CFAP299: variants seen among roughly 807,000 people sequenced by gnomAD.
CFAP299 encodes the protein cilia- and flagella-associated protein 299.
A neutral mutation model predicts 27.0 loss-of-function variants in CFAP299; 21 were observed. The ratio of observed to expected loss-of-function variants is 0.78; its 90% CI spans 0.55 to 1.12. The LOEUF is 1.12. Ranked by LOEUF, CFAP299 falls within the 50% of genes most tolerant of loss-of-function variation. CFAP299 has a pLI of 0.00. For synonymous variants in CFAP299, 104 were observed against 98.1 expected (o/e 1.06, Z -0.36); for missense variants, 310 against 276.6 (o/e 1.12, Z -0.86).
chr4:80,619,798 A>G (rs1560659977), intron 3 of CFAP299, among the ~76,000 whole-genome samples: 2 of 152,124 alleles, frequency 1.3e-5, no homozygotes, highest in South Asian at 4.1e-4. Flanking sequence ...CATATAATAT[A>G]TTGTGTCTAA....
intron 3 of CFAP299, among the ~76,000 whole-genome samples, chr4:80,647,118 G>A (rs1486653981): frequency 2.6e-5 from 4 of 152,030 alleles, no homozygotes; most frequent in Non-Finnish European, 5.9e-5. Flanking sequence ...ACTGGTAGCA[G>A]TATGTTAACA....
At chr4:80,860,359 T>C (rs1334261422) in intron 3 of CFAP299, among the ~76,000 whole-genome samples, 1 of 152,222 alleles carries the variant, frequency 6.6e-6, no homozygotes, top group Non-Finnish European at 1.5e-5. Context: ...GGTTTGAATT[T>C]CCTCCTGTAG....
chr4:80,721,074 GA>G, intron 3 of CFAP299, among the ~76,000 whole-genome samples: 1 of 152,010 alleles, frequency 6.6e-6, no homozygotes, highest in East Asian at 1.9e-4. Context: ...ACACAGAAGA[GA>G]ATAAAGAAAA....
chr4:80,366,309 T>G (rs986594166), intron 2 of CFAP299, among the ~76,000 whole-genome samples: 2 of 152,194 alleles, frequency 1.3e-5, no homozygotes, highest in Non-Finnish European at 2.9e-5. Context: ...GGTCTAGCAA[T>G]CATAGAGCAC....
intron 2 of CFAP299, among the ~76,000 whole-genome samples, chr4:80,427,987 C>T (rs9683748): frequency 0.92 from 139,272 of 152,166 alleles, 64,661 homozygotes; most frequent in East Asian, 1. Context: ...AACCATTGGG[C>T]GATTGTAAGG....
chr4:80,741,836 G>A (rs1038450491), intron 3 of CFAP299, among the ~76,000 whole-genome samples: 5 of 152,128 alleles, frequency 3.3e-5, no homozygotes, highest in Admixed American at 2.0e-4. Flanking sequence ...AGCCTGTGGC[G>A]GTGAGGCTTG....
upstream of CFAP299, among the ~76,000 whole-genome samples, chr4:80,331,580 C>T (rs56373586): frequency 0.029 from 4,445 of 152,212 alleles, 224 homozygotes; most frequent in African/African-American, 0.1. Flanking sequence ...AATAACAGGC[C>T]TTACATTTCA....
intron 3 of CFAP299, among the ~76,000 whole-genome samples, chr4:80,720,399 G>T (rs1328999834): frequency 6.6e-6 from 1 of 152,042 alleles, no homozygotes; most frequent in Non-Finnish European, 1.5e-5. Context: ...ATTAATCCTA[G>T]ATTAAATGTT....
chr4:80,470,008 G>A lies in CFAP299; in HGVS notation c.242+107124G>A, dbSNP rs1436966286. The stretch of plus-strand genomic sequence containing the variant: ...AACTCTGCTTAAGAATACTAGAAAA[G>A]TCTCCATTTGCGCTGAAGGAATGTC... On this transcript the variant is annotated intron_variant, in intron 2 of 5. Coordinates refer to ENST00000358105, the MANE Select transcript of CFAP299 (RefSeq NM_152770.3). Among the ~76,000 whole-genome samples, 5 of 152,064 alleles carry A rather than the reference G, an allele frequency of 3.3e-5. No homozygotes were observed. In the South Asian group the frequency reaches 6.3e-4, roughly 19 times the overall value.
At chr4:80,381,382 T>C (rs1328388071) in intron 2 of CFAP299, among the ~76,000 whole-genome samples, 1 of 574 alleles carries the variant, frequency 1.7e-3, no homozygotes, top group African/African-American at 1.9e-3. Context: ...ACATATACAT[T>C]TTTTTTTTTT....
intron 3 of CFAP299, among the ~76,000 whole-genome samples, chr4:80,603,805 A>G (rs1161651184): frequency 6.6e-6 from 1 of 152,218 alleles, no homozygotes; most frequent in East Asian, 1.9e-4. Flanking sequence ...CATATTGTCA[A>G]CAAGTAATTC....
intron 3 of CFAP299, among the ~76,000 whole-genome samples, chr4:80,587,495 A>C (rs1425385581): frequency 2.6e-5 from 4 of 152,160 alleles, no homozygotes; most frequent in Non-Finnish European, 5.9e-5. Context: ...TCCCCACCCA[A>C]AGTATGGGGA....
chr4:80,512,601 A>T (rs1732368637), intron 2 of CFAP299, among the ~76,000 whole-genome samples: 1 of 152,112 alleles, frequency 6.6e-6, no homozygotes, highest in Non-Finnish European at 1.5e-5. Context: ...AAGGAGTTAC[A>T]TATGAACCTC....
intron 2 of CFAP299, chr4:80,388,655 GGGACAGCTAGAAT>G: frequency 8.2e-7 from 1 of 1,221,422 alleles, no homozygotes; most frequent in Non-Finnish European, 1.2e-6. Flanking sequence ...CAGTAATGAT[GGGACAGCTAGAAT>G]GGTCTGGTTG....
At chr4:80,694,948 G>A (rs1720992786) in intron 3 of CFAP299, among the ~76,000 whole-genome samples, 1 of 152,190 alleles carries the variant, frequency 6.6e-6, no homozygotes, top group Admixed American at 6.5e-5. Flanking sequence ...TTTGTTAGAT[G>A]CAGGAGCCAG....
chr4:80,580,726 C>CAG (rs1736119846), intron 2 of CFAP299, among the ~76,000 whole-genome samples: 1 of 151,936 alleles, frequency 6.6e-6, no homozygotes, highest in Non-Finnish European at 1.5e-5. Context: ...AGCTACTGTT[C>CAG]ACAAATATTT....
chr4:80,401,854 T>C (rs1726178672), intron 2 of CFAP299, among the ~76,000 whole-genome samples: 1 of 152,122 alleles, frequency 6.6e-6, no homozygotes, highest in African/African-American at 2.4e-5. Context: ...GGAAGGAGGT[T>C]GTACCCTGCA....
chr4:80,635,692 C>T (rs1739439885), intron 3 of CFAP299, among the ~76,000 whole-genome samples: 1 of 152,076 alleles, frequency 6.6e-6, no homozygotes, highest in African/African-American at 2.4e-5. Context: ...TTTACATGAT[C>T]ACTTACCTTT....
chr4:80,451,687 G>A (rs772978771), intron 2 of CFAP299, among the ~76,000 whole-genome samples: 69 of 152,050 alleles, frequency 4.5e-4, no homozygotes, highest in Middle Eastern at 3.4e-3. Flanking sequence ...TTCCTCTTTT[G>A]GCTGTTTTAC....
Sources: gnomAD v4.1 joint callset for allele counts (sites outside exome capture counted in the v4.1 genomes callset) on GRCh38, gnomAD v4.1.1 for gene constraint, MANE v1.5 for transcripts, NCBI Gene and HGNC (gene_info 2026-07-23, HGNC 2026-07-21) for gene names.